Variants in GON4L observed in about 807,000 individuals in gnomAD.
GON4L encodes the protein gon-4 like, also known as GON-4-like protein.
Under a neutral mutation model 211.8 loss-of-function variants are expected in GON4L, and 87 were observed. The ratio of observed to expected loss-of-function variants is 0.41; its 90% CI spans 0.35 to 0.49. The LOEUF (loss-of-function observed/expected upper bound fraction) is 0.49. Ranked by LOEUF, GON4L falls within the 20% of genes least tolerant of loss-of-function variation. The pLI is 0.15. For synonymous variants in GON4L, 875 were observed against 962.6 expected (o/e 0.91, Z 1.68); for missense variants, 2,155 against 2,659.5 (o/e 0.81, Z 4.17).
chr1:155,846,951 G>A (rs1343035503), intron 2 of GON4L, among the ~76,000 whole-genome samples: 1 of 152,086 alleles, frequency 6.6e-6, no homozygotes, highest in African/African-American at 2.4e-5. Context: ...GGGCCATTGA[G>A]GTTGTGCCAT....
chr1:155,829,195 G>C (rs1181514039), intron 2 of GON4L, among the ~76,000 whole-genome samples: 1 of 152,104 alleles, frequency 6.6e-6, no homozygotes. Flanking sequence ...TTGTTCTTCT[G>C]AATTTGACTT....
At chr1:155,858,611 T>G (rs1672452068), upstream of GON4L, among the ~76,000 whole-genome samples, 1 of 150,524 alleles carries the variant, frequency 6.6e-6, no homozygotes, top group Non-Finnish European at 1.5e-5. Flanking sequence ...TCAACACTGA[T>G]TAACTTTGGC....
intron 1 of GON4L, among the ~76,000 whole-genome samples, chr1:155,854,433 G>A (rs1240016867): frequency 6.6e-6 from 1 of 152,184 alleles, no homozygotes; most frequent in African/African-American, 2.4e-5. Flanking sequence ...GGGATTACAG[G>A]CGTGAGCCAC....
chr1:155,775,234 T>C (rs1387559411), intron 16 of GON4L, 61 bp from the exon 17 acceptor site: 1 of 1,608,774 alleles, frequency 6.2e-7, no homozygotes, highest in African/African-American at 1.3e-5. Context: ...ACCAGTAGCC[T>C]TCAGAATCTA....
Position 155,823,876 on chromosome 1 carries a change from G to A in GON4L, c.698-1400C>T, listed in dbSNP as rs1005077741. Among the ~76,000 whole-genome samples the A allele has an allele frequency of 2.7e-4, 41 of 151,176 alleles. 1 individual carries two copies. The highest frequency in any genetic ancestry group is 2.1e-4 in the South Asian group (1 of 4,784). ...CCACTGCACTCAAGCCTGGGCGACG[G>A]AGCAAGATTCACACACACACACAAA... On this transcript the variant is annotated intron_variant, in intron 3 of 31. Coordinates refer to ENST00000368331, the MANE Select transcript of GON4L (RefSeq NM_001282860.2).
intron 3 of GON4L, among the ~76,000 whole-genome samples, chr1:155,824,434 CAAAAAAAAAAAAAAA>C (rs769823401): frequency 4.0e-4 from 3 of 7,418 alleles, no homozygotes; most frequent in East Asian, 3.8e-3. Flanking sequence ...AACTCCACAT[CAAAAAAAAAAAAAAA>C]AAAAAAAAAA....
chr1:155,751,033 G>T (rs1459052019), intron 31 of GON4L, among the ~76,000 whole-genome samples: 7 of 152,056 alleles, frequency 4.6e-5, no homozygotes, highest in African/African-American at 1.4e-4. Context: ...CAAAGTGTTG[G>T]GATTACAGGA....
chr1:155,765,459 T>G lies in GON4L; in HGVS notation c.4014A>C (p.Gly1338=). The G allele has an allele frequency of 6.2e-7, 1 of 1,614,154 alleles. No individual in the cohort carries two copies. Among genetic ancestry groups the G allele is most frequent in the Non-Finnish European group, 8.5e-7 (1 of 1,180,020 alleles). Residue 1338 remains glycine, a synonymous_variant, in exon 21 of 32, where the codon GGA becomes GGC. Coordinates refer to ENST00000368331, the MANE Select transcript of GON4L (RefSeq NM_001282860.2). ...EPEEAREEIS[G]SPERDICDDI... is the part of the protein sequence containing the mutation. ...CATCACAAATATCACGCTCAGGGGA[T>G]CCACTGATTTCCTCTCTAGCTTCTT...
Position 155,757,184 on chromosome 1 carries a change from T to G in GON4L, c.5393A>C (p.Tyr1798Ser). The change falls in exon 26 of 32, where the codon TAT becomes TCT. Residue 1798 changes from tyrosine to serine, a missense_variant. Around this residue, in one of 6 missense-constraint regions of GON4L, gnomAD observed 455 missense variants for 504.6 expected, o/e 0.90. Coordinates refer to ENST00000368331, the MANE Select transcript of GON4L (RefSeq NM_001282860.2). Reference protein sequence around the residue: ...EEINWTEEKEYEFDGFEEVAL... With the variant: ...EEINWTEEKESEFDGFEEVAL... The stretch of plus-strand genomic sequence containing the variant: ...CAGCAGCCTTAGGTCCTATACCTCA[T>G]ACTCCTTTTCCTCAGTCCAATTGAT... 6.2e-7 allele frequency: 1 copy of G among 1,613,928 alleles called. No individual in the cohort carries two copies. Among genetic ancestry groups the G allele is most frequent in the East Asian group, 2.2e-5 (1 of 44,872 alleles).
chr1:155,828,996 C>T (rs1367954279), intron 2 of GON4L, among the ~76,000 whole-genome samples: 1 of 151,948 alleles, frequency 6.6e-6, no homozygotes, highest in Non-Finnish European at 1.5e-5. Flanking sequence ...TTTTATATTT[C>T]TGAATTTTTT....
intron 2 of GON4L, among the ~76,000 whole-genome samples, chr1:155,832,150 C>T (rs1287393193): frequency 2.0e-5 from 3 of 151,656 alleles, no homozygotes; most frequent in Non-Finnish European, 4.4e-5. Context: ...TGGCACATGC[C>T]TGTAATCCCA....
intron 12 of GON4L, among the ~76,000 whole-genome samples, chr1:155,792,771 T>G (rs890732944): frequency 3.3e-5 from 5 of 152,170 alleles, no homozygotes; most frequent in Non-Finnish European, 7.4e-5. Flanking sequence ...GAAAGACTCT[T>G]TTTTTGAAAC....
At chr1:155,817,923 G>GAAAA (rs749238086) in intron 6 of GON4L, among the ~76,000 whole-genome samples, 6 of 74,106 alleles carry the variant, frequency 8.1e-5, no homozygotes, top group East Asian at 8.1e-4. Context: ...GCAAGTCACT[G>GAAAA]AAAAAAAAAA....
At chr1:155,767,233 C>T in intron 20 of GON4L, 192 bp downstream of exon 20, 1 of 1,291,902 alleles carries the variant, frequency 7.7e-7, no homozygotes, top group South Asian at 1.5e-5. Context: ...ATTATTTTAC[C>T]TATTATTTTG....
intron 19 of GON4L, among the ~76,000 whole-genome samples, chr1:155,768,068 G>A (rs1223388318): frequency 6.6e-6 from 1 of 152,118 alleles, no homozygotes; most frequent in African/African-American, 2.4e-5. Context: ...CAGCACTTTC[G>A]GAGGTGGGCA....
At chr1:155,844,211 C>G (rs1671025980) in intron 2 of GON4L, among the ~76,000 whole-genome samples, 1 of 152,188 alleles carries the variant, frequency 6.6e-6, no homozygotes, top group Non-Finnish European at 1.5e-5. Flanking sequence ...GCCACCAACA[C>G]TAGTCAGACA....
chr1:155,804,225 T>C (rs1328984277), intron 11 of GON4L, among the ~76,000 whole-genome samples: 1 of 151,814 alleles, frequency 6.6e-6, no homozygotes, highest in African/African-American at 2.4e-5. Context: ...TTTAAAAAAT[T>C]AGCCAGGCAA....
chr1:155,782,560 G>T (rs1664523616), intron 14 of GON4L, among the ~76,000 whole-genome samples: 1 of 152,162 alleles, frequency 6.6e-6, no homozygotes, highest in Non-Finnish European at 1.5e-5. Flanking sequence ...ACATTTCACA[G>T]AATGTATCAC....
intron 18 of GON4L, among the ~76,000 whole-genome samples, chr1:155,771,971 T>C (rs574433188): frequency 6.6e-6 from 1 of 152,186 alleles, no homozygotes; most frequent in Non-Finnish European, 1.5e-5. Context: ...GAGACCAGCC[T>C]GGCCAACATG....
Sources: allele counts gnomAD v4.1 joint callset (sites outside exome capture counted in the v4.1 genomes callset), GRCh38; gene constraint gnomAD v4.1.1; regional missense constraint gnomAD v4.1.1; transcripts MANE v1.5; gene names NCBI Gene and HGNC (gene_info 2026-07-23, HGNC 2026-07-21).